The following EEFSEC variants were observed in gnomAD, a reference collection of about 807,000 sequenced individuals.
EEFSEC encodes the protein eukaryotic elongation factor, selenocysteine-tRNA specific.
Under a neutral mutation model 42.1 loss-of-function variants are expected in EEFSEC, and 43 were observed. The observed-to-expected ratio is 1.02, with a 90% CI of 0.80 to 1.32. The LOEUF (loss-of-function observed/expected upper bound fraction) is 1.32, where lower values mean the gene tolerates loss of function less well. Ranked by LOEUF, EEFSEC falls within the 40% of genes most tolerant of loss-of-function variation. The probability of loss-of-function intolerance (pLI) is 0.00; values close to 1 mark genes in which losing one functional copy is unlikely to be tolerated. For missense variants in EEFSEC, 745 were observed against 803.6 expected (o/e 0.93, Z 0.88); for synonymous variants, 354 against 339.1 (o/e 1.04, Z -0.48).
intron 2 of EEFSEC, among the ~76,000 whole-genome samples, chr3:128,253,536 C>G (rs529678490): frequency 6.6e-6 from 1 of 152,170 alleles, no homozygotes; most frequent in South Asian, 2.1e-4. Flanking sequence ...CAGAGCAGGT[C>G]GCAGAGAAGT....
At chr3:128,382,140 G>T (rs1325834151) in intron 6 of EEFSEC, among the ~76,000 whole-genome samples, 1 of 152,238 alleles carries the variant, frequency 6.6e-6, no homozygotes, top group Non-Finnish European at 1.5e-5. Context: ...TCAGGAAGAA[G>T]AAAGCACTGC....
chr3:128,232,776 G>A (rs902676047), intron 1 of EEFSEC, among the ~76,000 whole-genome samples: 1 of 152,176 alleles, frequency 6.6e-6, no homozygotes, highest in South Asian at 2.1e-4. Context: ...CTATGACACG[G>A]TAGCTTAAAG....
At chr3:128,348,271 CGTGTG>C (rs2067339143) in intron 5 of EEFSEC, among the ~76,000 whole-genome samples, 2 of 147,700 alleles carry the variant, frequency 1.4e-5, no homozygotes, top group Admixed American at 6.8e-5. Flanking sequence ...TGTGTGTGTG[CGTGTG>C]CGTGTGTGTG....
intron 1 of EEFSEC, among the ~76,000 whole-genome samples, chr3:128,204,083 TG>T (rs2065668818): frequency 6.6e-6 from 1 of 152,196 alleles, no homozygotes; most frequent in African/African-American, 2.4e-5. Context: ...TTGTAAACAG[TG>T]GTTAACTTTT....
chr3:128,233,730 TGGCAGACA>T (rs2107871098), intron 1 of EEFSEC, among the ~76,000 whole-genome samples: 1 of 152,322 alleles, frequency 6.6e-6, no homozygotes, highest in Admixed American at 6.5e-5. Flanking sequence ...TCTTAGACTC[TGGCAGACA>T]GGCGATATTG....
In EEFSEC at chr3:128,251,438, A is replaced by G. The variant is rs146398312; in HGVS notation, c.524+4395A>G. Among the ~76,000 whole-genome samples the G allele has an allele frequency of 2.5e-4, 38 of 152,356 alleles. No homozygotes were observed. In the East Asian group the frequency reaches 7.1e-3, roughly 29 times the overall value. ...TGTTCTACCATTTTACACAGGTGTC[A>G]GCAGATTACTTTGGTTTATAATTTT... On this transcript the variant is annotated intron_variant, in intron 2 of 6. Transcript: ENST00000254730.
chr3:128,187,206 C>T (rs1386454301), intron 1 of EEFSEC, among the ~76,000 whole-genome samples: 2 of 152,224 alleles, frequency 1.3e-5, no homozygotes, highest in Non-Finnish European at 2.9e-5. Flanking sequence ...GGCACCCTGA[C>T]TGCCTCCAGC....
chr3:128,249,431 A>G (rs2066161193), intron 2 of EEFSEC, among the ~76,000 whole-genome samples: 1 of 152,146 alleles, frequency 6.6e-6, no homozygotes, highest in Non-Finnish European at 1.5e-5. Flanking sequence ...GTGGTAAAAT[A>G]CATATAACAT....
chr3:128,317,513 C>T lies in EEFSEC; in HGVS notation c.787-23720C>T, dbSNP rs886752966. Among the ~76,000 whole-genome samples the T allele has an allele frequency of 7.9e-5, 12 of 152,222 alleles. No homozygotes were observed. Among genetic ancestry groups the T allele is most frequent in the Admixed American group, 2.0e-4 (3 of 15,290 alleles). On this transcript the variant is annotated intron_variant, in intron 4 of 6. Transcript: ENST00000254730. The surrounding 1 kb of genome is among the most constrained non-coding windows in gnomAD (Gnocchi z 4.1). Reference sequence around the variant, plus strand: ...CTCTTCCTGTCATTACAGTTTGCTCCGATTTGCTCTGTGCCCAGAGTCTTT... The same window carrying T: ...CTCTTCCTGTCATTACAGTTTGCTCTGATTTGCTCTGTGCCCAGAGTCTTT...
At chr3:128,344,803 C>T (rs1401978787) in intron 5 of EEFSEC, among the ~76,000 whole-genome samples, 6 of 152,162 alleles carry the variant, frequency 3.9e-5, no homozygotes, top group African/African-American at 1.2e-4. Context: ...TTCATTCCTT[C>T]GAAGGATGGT....
chr3:128,318,161 TG>T (rs1326053619), intron 4 of EEFSEC, among the ~76,000 whole-genome samples: 38 of 152,316 alleles, frequency 2.5e-4, no homozygotes, highest in Non-Finnish European at 1.3e-4. Context: ...GCATGAAGCT[TG>T]CATGGCGCCC....
intron 4 of EEFSEC, among the ~76,000 whole-genome samples, chr3:128,293,660 C>CAAAAAAAAAAAAAAAAAAAAAAAAAAA (rs759485696): frequency 2.8e-4 from 4 of 14,140 alleles, no homozygotes; most frequent in African/African-American, 4.3e-4. Flanking sequence ...GACTCTATCT[C>CAAAAAAAAAAAAAAAAAAAAAAAAAAA]AAAAAAAAAA....
intron 4 of EEFSEC, among the ~76,000 whole-genome samples, chr3:128,320,298 T>C (rs1330089785): frequency 6.6e-6 from 1 of 152,208 alleles, no homozygotes; most frequent in Non-Finnish European, 1.5e-5. Context: ...TTTACTTTCA[T>C]TGTCACCATA....
chr3:128,226,416 C>G (rs1251815846), intron 1 of EEFSEC, among the ~76,000 whole-genome samples: 1 of 152,132 alleles, frequency 6.6e-6, no homozygotes, highest in Non-Finnish European at 1.5e-5. Context: ...CGGTTGGTGC[C>G]TCTGGTCATT....
At chr3:128,157,404 T>C (rs1345914005) in intron 1 of EEFSEC, among the ~76,000 whole-genome samples, 1 of 152,182 alleles carries the variant, frequency 6.6e-6, no homozygotes, top group Admixed American at 6.5e-5. Flanking sequence ...TAAACAGATT[T>C]TCACTGTAGA....
intron 1 of EEFSEC, among the ~76,000 whole-genome samples, chr3:128,193,099 C>T (rs1010889799): frequency 2.0e-5 from 3 of 152,186 alleles, no homozygotes; most frequent in Non-Finnish European, 2.9e-5. Flanking sequence ...AGGGTGGCCA[C>T]ACTCAGGGAC....
chr3:128,302,217 G>A (rs544266304), intron 4 of EEFSEC, among the ~76,000 whole-genome samples: 2 of 152,244 alleles, frequency 1.3e-5, no homozygotes, highest in Admixed American at 6.5e-5. Context: ...AGAGTGATAC[G>A]CCTGTTCCTT....
intron 6 of EEFSEC, among the ~76,000 whole-genome samples, chr3:128,393,581 C>A (rs1306272138): frequency 6.6e-6 from 1 of 152,348 alleles, no homozygotes; most frequent in East Asian, 1.9e-4. Context: ...AAACAGCCCC[C>A]ACCCAGCCAC....
At chr3:128,301,853 C>T (rs1215939357) in intron 4 of EEFSEC, among the ~76,000 whole-genome samples, 1 of 152,042 alleles carries the variant, frequency 6.6e-6, no homozygotes, top group East Asian at 1.9e-4. Flanking sequence ...AAAGAACTCC[C>T]ATGGGGGGCA....
Sources: allele counts gnomAD v4.1 joint callset (sites outside exome capture counted in the v4.1 genomes callset), GRCh38; gene constraint gnomAD v4.1.1; non-coding constraint Gnocchi (gnomAD v3.1); transcripts MANE v1.5; gene names NCBI Gene and HGNC (gene_info 2026-07-23, HGNC 2026-07-21).